The following SLC71A2 variants were observed in gnomAD, a reference collection of about 807,000 sequenced individuals.
The protein encoded by SLC71A2 is solute carrier family 71 member 2.
the SLC71A2 span, among the ~76,000 whole-genome samples, chr9:94,410,791 A>G: frequency 2.6e-5 from 4 of 152,246 alleles, no homozygotes; most frequent in Non-Finnish European, 4.4e-5. Flanking sequence ...TTTGAGATGG[A>G]GTCTCACTCT....
At chr9:94,403,516 T>TA in the SLC71A2 span, among the ~76,000 whole-genome samples, 1 of 151,858 alleles carries the variant, frequency 6.6e-6, no homozygotes, top group African/African-American at 2.4e-5. Flanking sequence ...TTTTTTTTTT[T>TA]AAGGTTAAAT....
At chr9:94,451,796 T>C in the SLC71A2 span, among the ~76,000 whole-genome samples, 1 of 152,190 alleles carries the variant, frequency 6.6e-6, no homozygotes, top group South Asian at 2.1e-4. Context: ...AAATTTTTTA[T>C]GTTTTTATTT....
chr9:94,452,444 A>G, the SLC71A2 span, among the ~76,000 whole-genome samples: 1 of 151,856 alleles, frequency 6.6e-6, no homozygotes, highest in African/African-American at 2.4e-5. Flanking sequence ...TAAAAATACA[A>G]AAATCAGCTG....
chr9:94,424,247 G>T, the SLC71A2 span, among the ~76,000 whole-genome samples: 9 of 151,718 alleles, frequency 5.9e-5, no homozygotes, highest in South Asian at 2.1e-4. Flanking sequence ...TTTGGCGGAG[G>T]GGGGAGCAAT....
At chr9:94,375,263 C>G in the SLC71A2 span, among the ~76,000 whole-genome samples, 6 of 150,306 alleles carry the variant, frequency 4.0e-5, no homozygotes, top group Admixed American at 1.3e-4. Flanking sequence ...ACATGGAAAA[C>G]AGGTAGGGAG....
At chr9:94,456,151 C>CATTTGT in the SLC71A2 span, 2 of 790,930 alleles carry the variant, frequency 2.5e-6, no homozygotes, top group Non-Finnish European at 4.1e-6. Context: ...GAAAACAAGG[C>CATTTGT]ATTTGTACTT....
chr9:94,459,441 G>A, the SLC71A2 span: 14 of 1,609,944 alleles, frequency 8.7e-6, no homozygotes, highest in African/African-American at 2.7e-5. Flanking sequence ...TTCTGCATAC[G>A]CCATCTCTGA....
the SLC71A2 span, among the ~76,000 whole-genome samples, chr9:94,401,974 C>G: frequency 6.6e-6 from 1 of 152,180 alleles, no homozygotes; most frequent in Non-Finnish European, 1.5e-5. Flanking sequence ...GGGTAACTTC[C>G]TGACGTTGCC....
chr9:94,428,599 C>CT, the SLC71A2 span, among the ~76,000 whole-genome samples: 29 of 141,880 alleles, frequency 2.0e-4, 1 homozygote, highest in African/African-American at 6.6e-4. Flanking sequence ...TACCCCCCCC[C>CT]CTTTTTTTTT....
At chr9:94,379,319 C>T in the SLC71A2 span, among the ~76,000 whole-genome samples, 1 of 147,534 alleles carries the variant, frequency 6.8e-6, no homozygotes, top group Non-Finnish European at 1.5e-5. Flanking sequence ...CTCCTGACCT[C>T]AGGCGATCCA....
At chr9:94,438,185 G>A in the SLC71A2 span, among the ~76,000 whole-genome samples, 4 of 152,124 alleles carry the variant, frequency 2.6e-5, no homozygotes, top group Admixed American at 1.3e-4. Flanking sequence ...TGATCCACCC[G>A]CCTCGGCCTT....
the SLC71A2 span, among the ~76,000 whole-genome samples, chr9:94,401,374 G>A: frequency 3.4e-4 from 51 of 152,050 alleles, no homozygotes; most frequent in Non-Finnish European, 5.3e-4. Context: ...GGGTTTCACC[G>A]TGTTGGCCAG....
chr9:94,431,875 T>C, the SLC71A2 span, among the ~76,000 whole-genome samples: 1 of 152,170 alleles, frequency 6.6e-6, no homozygotes, highest in Non-Finnish European at 1.5e-5. Context: ...GGCCCGTGGC[T>C]CTACCTGGTT....
At chr9:94,405,699 A>G in the SLC71A2 span, among the ~76,000 whole-genome samples, 2 of 151,990 alleles carry the variant, frequency 1.3e-5, no homozygotes, top group Non-Finnish European at 2.9e-5. Flanking sequence ...TGATTGCCAT[A>G]TGTTTATAGT....
At chr9:94,455,851 A>G in the SLC71A2 span, among the ~76,000 whole-genome samples, 1 of 152,180 alleles carries the variant, frequency 6.6e-6, no homozygotes, top group Non-Finnish European at 1.5e-5. Context: ...TGTGAAAGTG[A>G]GCCTTCAAGA....
the SLC71A2 span, among the ~76,000 whole-genome samples, chr9:94,435,647 CTTCTT>C: frequency 6.4e-4 from 52 of 81,640 alleles, no homozygotes; most frequent in South Asian, 0.011. Context: ...CTTTTTCCTT[CTTCTT>C]TTTTTTTTTT....
At chr9:94,404,410 T>C in the SLC71A2 span, among the ~76,000 whole-genome samples, 1 of 152,066 alleles carries the variant, frequency 6.6e-6, no homozygotes, top group South Asian at 2.1e-4. Flanking sequence ...GTTCTTCTGC[T>C]TCAGCCCCCA....
the SLC71A2 span, chr9:94,445,241 A>G: frequency 1.4e-6 from 2 of 1,402,812 alleles, no homozygotes; most frequent in Non-Finnish European, 2.0e-6. Flanking sequence ...CAAGCAAATG[A>G]AAGTATGTAT....
the SLC71A2 span, chr9:94,438,563 G>A: frequency 6.2e-7 from 1 of 1,602,706 alleles, no homozygotes; most frequent in Non-Finnish European, 8.5e-7. Flanking sequence ...CTGACTGCTT[G>A]TTTTGAGTCA....
Sources: allele counts gnomAD v4.1 joint callset (sites outside exome capture counted in the v4.1 genomes callset), GRCh38; gene constraint gnomAD v4.1.1; transcripts MANE v1.5; gene names NCBI Gene and HGNC (gene_info 2026-07-23, HGNC 2026-07-21).